RGS17: variants seen among roughly 807,000 people sequenced by gnomAD.
The protein encoded by RGS17 is regulator of G-protein signaling 17.
A neutral mutation model predicts 25.5 loss-of-function variants in RGS17; 12 were observed. The observed-to-expected ratio is 0.47, with a 90% CI of 0.30 to 0.76. The LOEUF is 0.76. RGS17 is among the 30% of genes least tolerant of loss of function. RGS17 has a pLI of 0.07. For synonymous variants in RGS17, 71 were observed against 76.9 expected (o/e 0.92, Z 0.40); for missense variants, 196 against 242.2 (o/e 0.81, Z 1.27).
chr6:153,037,539 C>T (rs1584128360), intron 2 of RGS17, among the ~76,000 whole-genome samples: 1 of 151,938 alleles, frequency 6.6e-6, no homozygotes, highest in African/African-American at 2.4e-5. Flanking sequence ...GATTCTCCTG[C>T]CTCCGCCTCC....
At chr6:153,033,634 C>T (rs865930521) in intron 2 of RGS17, among the ~76,000 whole-genome samples, 2 of 152,156 alleles carry the variant, frequency 1.3e-5, no homozygotes, top group Non-Finnish European at 2.9e-5. Flanking sequence ...ACAGAAATCG[C>T]TTGAGCCCCA....
chr6:153,012,356 A>T (rs1259298985), intron 4 of RGS17, among the ~76,000 whole-genome samples: 1 of 152,154 alleles, frequency 6.6e-6, no homozygotes, highest in Non-Finnish European at 1.5e-5. Flanking sequence ...ATATCCAAAG[A>T]CCTCTTACTA....
At position 153,051,888 on chromosome 6, in the gene RGS17, T is replaced by C. The variant is rs189447271; in HGVS notation, c.-25-7845A>G. Among the ~76,000 whole-genome samples the C allele has an allele frequency of 2.6e-5, 4 of 152,336 alleles. No homozygotes were observed. The East Asian group carries it at 7.7e-4, about 29-fold the overall frequency. On this transcript the variant is annotated intron_variant, in intron 1 of 4. Coordinates refer to ENST00000206262, the MANE Select transcript of RGS17 (RefSeq NM_012419.5). ...GGTGTGAAGCATGGACTGAATTAGC[T>C]ACCTCAGCAGGAAAACTGCCAGTTT...
intron 2 of RGS17, 52 bp from the exon 3 acceptor site, chr6:153,026,595 A>G (rs1289320808): frequency 7.2e-7 from 1 of 1,391,344 alleles, no homozygotes; most frequent in Non-Finnish European, 1.0e-6. Context: ...AATCAGTTGA[A>G]GAAAAGAATA....
chr6:153,092,032 TG>T (rs1453895910), intron 1 of RGS17, among the ~76,000 whole-genome samples: 1 of 152,196 alleles, frequency 6.6e-6, no homozygotes, highest in Non-Finnish European at 1.5e-5. Flanking sequence ...CAGATTCAGC[TG>T]GATATATCTC....
At chr6:153,050,582 A>G (rs989625546) in intron 1 of RGS17, among the ~76,000 whole-genome samples, 3 of 152,206 alleles carry the variant, frequency 2.0e-5, no homozygotes, top group African/African-American at 7.2e-5. Flanking sequence ...TCAATTTTGG[A>G]AGAGTACTTG....
intron 1 of RGS17, among the ~76,000 whole-genome samples, chr6:153,059,757 T>G (rs1178155431): frequency 1.3e-5 from 2 of 152,232 alleles, no homozygotes; most frequent in Non-Finnish European, 2.9e-5. Context: ...ATATTTACAA[T>G]AAAAAGCTGA....
At chr6:153,122,091 T>C (rs1395315061) in intron 1 of RGS17, among the ~76,000 whole-genome samples, 2 of 152,186 alleles carry the variant, frequency 1.3e-5, no homozygotes, top group Non-Finnish European at 2.9e-5. Flanking sequence ...TTTTAACTAA[T>C]AGTCTTGTTT....
chr6:153,082,642 A>G (rs1024617498), intron 1 of RGS17, among the ~76,000 whole-genome samples: 4 of 152,154 alleles, frequency 2.6e-5, no homozygotes, highest in Non-Finnish European at 4.4e-5. Context: ...TACTAGTTCC[A>G]TATCTACATT....
intron 1 of RGS17, among the ~76,000 whole-genome samples, chr6:153,071,863 C>G (rs1046149545): frequency 3.5e-4 from 53 of 152,138 alleles, no homozygotes; most frequent in African/African-American, 1.2e-3. Flanking sequence ...ACTCTTTGGG[C>G]AAGTTATCTA....
chr6:153,056,141 G>A (rs1030367018), intron 1 of RGS17, among the ~76,000 whole-genome samples: 1 of 152,196 alleles, frequency 6.6e-6, no homozygotes, highest in African/African-American at 2.4e-5. Flanking sequence ...AAAACAAGAT[G>A]TAATAGATAT....
rs1026237072 is a variant in RGS17 at position 153,004,958 on chromosome 6, A to G, written c.*6616T>C. 3.3e-4 allele frequency: 50 copies of G among 152,234 alleles called. No homozygotes were observed. Among genetic ancestry groups the G allele is most frequent in the African/African-American group, 9.6e-4 (40 of 41,466 alleles). 9.4% of individuals were successfully genotyped at this position (152,234 alleles called of 1,614,324 possible). A position where few individuals can be genotyped will look rare whatever the true frequency, so the allele number is the denominator to read the frequency against. On this transcript the variant is annotated 3_prime_UTR_variant, in exon 5 of 5. Coordinates refer to ENST00000206262, the MANE Select transcript of RGS17 (RefSeq NM_012419.5). ...GTGATGAACATGGTAGTAAAAAATT[A>G]TACACATTCGATATGTAATTTTACA...
At position 153,010,077 on chromosome 6, in the gene RGS17, TATC is replaced by T. The variant is rs1161110002; in HGVS notation, c.*1494_*1496del. 2.6e-5 allele frequency: 4 copies of T among 152,002 alleles called. No homozygotes were observed. The highest frequency in any genetic ancestry group is 2.1e-4 in the South Asian group (1 of 4,814). The allele number at this position is 152,002 out of a possible 1,614,324, so 9.4% of individuals were successfully genotyped here. A position where few individuals can be genotyped will look rare whatever the true frequency, so the allele number is the denominator to read the frequency against. On this transcript the variant is annotated 3_prime_UTR_variant, in exon 5 of 5. Coordinates refer to ENST00000206262, the MANE Select transcript of RGS17 (RefSeq NM_012419.5). ...TGACAAAGAAAACCTGTAACTGTAATATCATCCTTAATATAAGGCCAGTGTTCT... is the reference window on the plus strand; with the variant it reads ...TGACAAAGAAAACCTGTAACTGTAATATCCTTAATATAAGGCCAGTGTTCT...
At chr6:153,095,182 T>C (rs1345845829) in intron 1 of RGS17, among the ~76,000 whole-genome samples, 10 of 152,162 alleles carry the variant, frequency 6.6e-5, no homozygotes. Flanking sequence ...AATTTGGTTT[T>C]GTTTATTTCT....
At chr6:153,127,384 C>A (rs1777718894) in intron 1 of RGS17, among the ~76,000 whole-genome samples, 1 of 152,154 alleles carries the variant, frequency 6.6e-6, no homozygotes, top group Non-Finnish European at 1.5e-5. Context: ...AATAGCAGTT[C>A]TTTAGGTATT....
chr6:153,030,268 T>G (rs1779346858), intron 2 of RGS17, among the ~76,000 whole-genome samples: 1 of 152,162 alleles, frequency 6.6e-6, no homozygotes, highest in South Asian at 2.1e-4. Context: ...ATTATACAGT[T>G]TATCTACTGA....
intron 1 of RGS17, among the ~76,000 whole-genome samples, chr6:153,095,247 A>G (rs1351559519): frequency 1.3e-5 from 2 of 152,176 alleles, no homozygotes; most frequent in Admixed American, 6.5e-5. Flanking sequence ...ATGTTTCATA[A>G]TGAAATATTC....
chr6:153,125,254 C>A (rs1280844401), intron 1 of RGS17, among the ~76,000 whole-genome samples: 1 of 152,110 alleles, frequency 6.6e-6, no homozygotes, highest in Non-Finnish European at 1.5e-5. Context: ...GAACCACAAT[C>A]ATTGACTACA....
intron 4 of RGS17, among the ~76,000 whole-genome samples, chr6:153,016,838 T>A (rs1779190181): frequency 6.6e-6 from 1 of 152,204 alleles, no homozygotes. Flanking sequence ...CTTCAGAATG[T>A]GGATCATCTA....
Sources: gnomAD v4.1 joint callset for allele counts (sites outside exome capture counted in the v4.1 genomes callset) on GRCh38, gnomAD v4.1.1 for gene constraint, MANE v1.5 for transcripts, NCBI Gene and HGNC (gene_info 2026-07-23, HGNC 2026-07-21) for gene names.